The following DSCAM variants were observed in gnomAD, a reference collection of about 807,000 sequenced individuals.
The protein encoded by DSCAM is cell adhesion molecule DSCAM.
DSCAM carries 47 observed loss-of-function variants against 217.7 expected under a neutral mutation model. That is an observed-to-expected ratio of 0.22 (90% CI 0.17 to 0.28). The LOEUF (loss-of-function observed/expected upper bound fraction) is 0.28, where lower values mean the gene tolerates loss of function less well. DSCAM is among the 10% of genes least tolerant of loss of function. The probability of loss-of-function intolerance (pLI) is 1.00; values close to 1 mark genes in which losing one functional copy is unlikely to be tolerated. For synonymous variants in DSCAM, 1,056 were observed against 1,015.3 expected, an observed-to-expected ratio of 1.04 and a Z score of -0.76; for missense variants, 2,080 against 2,618.3, an observed-to-expected ratio of 0.79 and a Z score of 4.49.
At chr21:40,424,804 C>T (rs1389580603) in intron 3 of DSCAM, among the ~76,000 whole-genome samples, 2 of 152,096 alleles carry the variant, frequency 1.3e-5, no homozygotes, top group African/African-American at 4.8e-5. Context: ...GGGGTTTCCA[C>T]AAAAAATTAT....
Position 40,711,239 on chromosome 21 carries a change from G to A in DSCAM, c.44-2468C>T, listed in dbSNP as rs146968880. Reference sequence around the variant, plus strand: ...GTGCTTCCAGATCTAGTCTTTCTCCGTGGTGTGGAGCTGAGGGGTTACAGG... The same window carrying A: ...GTGCTTCCAGATCTAGTCTTTCTCCATGGTGTGGAGCTGAGGGGTTACAGG... On this transcript the variant is annotated intron_variant, in intron 1 of 32. Coordinates refer to ENST00000400454, the MANE Select transcript of DSCAM (RefSeq NM_001389.5). 1.3e-3 allele frequency among the ~76,000 whole-genome samples: 193 copies of A among 152,232 alleles called. 1 individual carries two copies. The South Asian group carries it at 0.021, about 17-fold the overall frequency.
intron 11 of DSCAM, among the ~76,000 whole-genome samples, chr21:40,197,661 C>A (rs1450557824): frequency 6.6e-6 from 1 of 152,200 alleles, no homozygotes; most frequent in Non-Finnish European, 1.5e-5. Flanking sequence ...CCTCCAGGGT[C>A]TGGAAAGCTA....
intron 16 of DSCAM, among the ~76,000 whole-genome samples, chr21:40,149,223 C>CT (rs1466274852): frequency 6.6e-6 from 1 of 152,048 alleles, no homozygotes; most frequent in Non-Finnish European, 1.5e-5. Context: ...CATTCCATCA[C>CT]TATCCCAACA....
intron 1 of DSCAM, among the ~76,000 whole-genome samples, chr21:40,767,062 T>A (rs1274186046): frequency 1.3e-5 from 2 of 152,082 alleles, no homozygotes; most frequent in East Asian, 3.9e-4. Flanking sequence ...GTAAGCCTTA[T>A]GGGTAGGGGA....
chr21:40,156,529 A>T (rs1179880515), intron 16 of DSCAM, among the ~76,000 whole-genome samples: 1 of 152,244 alleles, frequency 6.6e-6, no homozygotes, highest in Non-Finnish European at 1.5e-5. Flanking sequence ...CTGTGCCAAA[A>T]GAACCAATGA....
chr21:40,626,709 T>G (rs1048910760), intron 3 of DSCAM, among the ~76,000 whole-genome samples: 18 of 152,172 alleles, frequency 1.2e-4, no homozygotes, highest in African/African-American at 4.3e-4. Context: ...GCTTCCCTAA[T>G]CTAAAATAGA....
intron 3 of DSCAM, among the ~76,000 whole-genome samples, chr21:40,458,570 A>G (rs925782409): frequency 2.0e-5 from 3 of 152,198 alleles, no homozygotes; most frequent in Non-Finnish European, 4.4e-5. Flanking sequence ...AAGTTAATAA[A>G]AACGTAAATA....
chr21:40,250,499 A>T (rs988580374), intron 11 of DSCAM, among the ~76,000 whole-genome samples: 3 of 152,226 alleles, frequency 2.0e-5, no homozygotes, highest in Non-Finnish European at 2.9e-5. Context: ...ACACTTAAAC[A>T]GTTGTGATAG....
intron 6 of DSCAM, among the ~76,000 whole-genome samples, chr21:40,345,071 T>C (rs1278314685): frequency 1.3e-5 from 2 of 151,368 alleles, no homozygotes; most frequent in African/African-American, 2.5e-5. Flanking sequence ...AATATGGTGA[T>C]TTTTTTTCAT....
intron 1 of DSCAM, among the ~76,000 whole-genome samples, chr21:40,786,163 G>T (rs2091591964): frequency 6.6e-6 from 1 of 152,108 alleles, no homozygotes; most frequent in Non-Finnish European, 1.5e-5. Context: ...TTGAACCTGG[G>T]AGGCGGAGGT....
At chr21:40,782,089 T>A (rs1438208914) in intron 1 of DSCAM, among the ~76,000 whole-genome samples, 1 of 150,550 alleles carries the variant, frequency 6.6e-6, no homozygotes, top group Non-Finnish European at 1.5e-5. Flanking sequence ...GAGAATGGCG[T>A]GAACCCGGGA....
chr21:40,204,927 T>TG (rs1213112719), intron 11 of DSCAM, among the ~76,000 whole-genome samples: 1 of 152,234 alleles, frequency 6.6e-6, no homozygotes, highest in Non-Finnish European at 1.5e-5. Flanking sequence ...GGTAAACAGA[T>TG]GCATGGCACA....
chr21:40,234,241 C>A (rs114906925), intron 11 of DSCAM, among the ~76,000 whole-genome samples: 93 of 152,250 alleles, frequency 6.1e-4, no homozygotes, highest in African/African-American at 2.1e-3. Context: ...CTAAGACCAT[C>A]CAAGTTGTGA....
At chr21:40,182,642 GGAGGGGGTTACCAGAGAAACCGTGGACA>G (rs2090828185) in intron 14 of DSCAM, among the ~76,000 whole-genome samples, 2 of 114,682 alleles carry the variant, frequency 1.7e-5, no homozygotes, top group African/African-American at 7.8e-5. Context: ...ACCGTGGACA[GGAGGGGGTTACCAGAGAAACCGTGGACA>G]GGGGGGGGTT....
intron 1 of DSCAM, among the ~76,000 whole-genome samples, chr21:40,837,065 C>G (rs9982007): frequency 0.35 from 53,066 of 152,070 alleles, 9,818 homozygotes; most frequent in African/African-American, 0.48. Flanking sequence ...GGAAGGCCCA[C>G]ATAGAAGGAT....
chr21:40,076,505 ATC>A (rs1419922644), intron 26 of DSCAM, among the ~76,000 whole-genome samples: 1 of 152,198 alleles, frequency 6.6e-6, no homozygotes, highest in African/African-American at 2.4e-5. Context: ...GAAATCTGTA[ATC>A]TCTCTCAAGG....
chr21:40,292,945 C>T (rs1175753077), intron 10 of DSCAM, among the ~76,000 whole-genome samples: 1 of 152,026 alleles, frequency 6.6e-6, no homozygotes, highest in African/African-American at 2.4e-5. Context: ...ACCGTGTTAG[C>T]CAGGATGGTC....
rs184483814 is a variant in DSCAM, at chr21:40,561,566, C to T, written c.508+131244G>A. ...TAGCTTCTGCTTCATTCAGTGATACCCCATTTCCTCTATTTTCCTCTGGCT... is the reference window on the plus strand; with the variant it reads ...TAGCTTCTGCTTCATTCAGTGATACTCCATTTCCTCTATTTTCCTCTGGCT... On this transcript the variant is annotated intron_variant, in intron 3 of 32. Transcript: ENST00000400454. Among the ~76,000 whole-genome samples, 14 of 152,136 alleles carry T rather than the reference C, an allele frequency of 9.2e-5. No homozygotes were observed. In the East Asian group the frequency reaches 2.7e-3, roughly 29 times the overall value.
intron 3 of DSCAM, among the ~76,000 whole-genome samples, chr21:40,686,538 A>G (rs2090480563): frequency 6.6e-6 from 1 of 152,116 alleles, no homozygotes; most frequent in South Asian, 2.1e-4. Context: ...TTTCTTTTTT[A>G]AAGAAAAAAT....
Sources: gnomAD v4.1 joint callset for allele counts (sites outside exome capture counted in the v4.1 genomes callset) on GRCh38, gnomAD v4.1.1 for gene constraint, MANE v1.5 for transcripts, NCBI Gene and HGNC (gene_info 2026-07-23, HGNC 2026-07-21) for gene names.